The following ANO10 variants were observed in gnomAD, a reference collection of about 807,000 sequenced individuals.
ANO10 encodes anoctamin 10, also known as anoctamin-10.
Under a neutral mutation model 74.7 loss-of-function variants are expected in ANO10, and 77 were observed. The observed-to-expected ratio is 1.03, with a 90% CI of 0.86 to 1.25. ANO10 has a LOEUF of 1.25. ANO10 is among the 50% of genes most tolerant of loss of function. The pLI is 0.00. For missense variants in ANO10, 721 were observed against 778.1 expected, an observed-to-expected ratio of 0.93 and a Z score of 0.87; for synonymous variants, 279 against 284.9, an observed-to-expected ratio of 0.98 and a Z score of 0.21.
intron 12 of ANO10, among the ~76,000 whole-genome samples, chr3:43,409,404 C>T (rs1043997626): frequency 3.3e-5 from 5 of 151,952 alleles, no homozygotes; most frequent in African/African-American, 9.7e-5. Flanking sequence ...AAAAATTAGT[C>T]GGGCATGGCA....
intron 11 of ANO10, among the ~76,000 whole-genome samples, chr3:43,444,952 T>C (rs2093221054): frequency 1.3e-5 from 2 of 151,698 alleles, no homozygotes; most frequent in Non-Finnish European, 2.9e-5. Flanking sequence ...TGAAACCCCG[T>C]CTCTACTAAA....
chr3:43,566,128 G>C lies in ANO10; in HGVS notation c.1219-401C>G, dbSNP rs537177515. On this transcript the variant is annotated intron_variant, in intron 7 of 12. Transcript: ENST00000292246. Reference sequence around the variant, plus strand: ...CACCAGAATACTGCGCTTTTCCGACGGGCTTAAAAAATGGCGCACCACGAG... The same window carrying C: ...CACCAGAATACTGCGCTTTTCCGACCGGCTTAAAAAATGGCGCACCACGAG... Among the ~76,000 whole-genome samples, 36 of 152,242 alleles carry C rather than the reference G, an allele frequency of 2.4e-4. No individual in the cohort carries two copies. The East Asian group carries it at 5.6e-3, about 24-fold the overall frequency.
rs35265220 is a variant in ANO10 at position 43,508,943 on chromosome 3, T to TA, written c.1797+40776dup. 3.5e-3 allele frequency among the ~76,000 whole-genome samples: 363 copies of TA among 104,714 alleles called. 2 individuals carry two copies. The highest frequency in any genetic ancestry group is 0.016 in the South Asian group (45 of 2,822). 68.7% of individuals were successfully genotyped at this position (104,714 alleles called of 152,430 possible). ...ATGTACCCTATAACTTAAAGTATAA[T>TA]AAAAAAAAAAAAAAGAAAAGAAAAA... On this transcript the variant is annotated intron_variant, in intron 11 of 12. Transcript: ENST00000292246.
At chr3:43,615,533 A>C (rs2149527342) in intron 1 of ANO10, among the ~76,000 whole-genome samples, 1 of 152,210 alleles carries the variant, frequency 6.6e-6, no homozygotes, top group Admixed American at 6.5e-5. Flanking sequence ...TTATAATCAG[A>C]AAAAAAGTGG....
intron 1 of ANO10, among the ~76,000 whole-genome samples, chr3:43,674,803 T>A (rs771275134): frequency 6.6e-6 from 1 of 152,094 alleles, no homozygotes; most frequent in Non-Finnish European, 1.5e-5. Context: ...TGAGTCAGAG[T>A]GGCTGGTCTT....
At chr3:43,493,286 G>T (rs1310791858) in intron 11 of ANO10, among the ~76,000 whole-genome samples, 1 of 152,156 alleles carries the variant, frequency 6.6e-6, no homozygotes. Flanking sequence ...GGCATGGGGG[G>T]CTAGGGGAGG....
At chr3:43,657,952 C>A (rs910430483) in intron 1 of ANO10, among the ~76,000 whole-genome samples, 1 of 152,110 alleles carries the variant, frequency 6.6e-6, no homozygotes, top group Non-Finnish European at 1.5e-5. Context: ...GATGTGTATT[C>A]CGTCTGGATG....
At chr3:43,528,806 A>G (rs2078326061) in intron 11 of ANO10, among the ~76,000 whole-genome samples, 1 of 152,106 alleles carries the variant, frequency 6.6e-6, no homozygotes, top group Admixed American at 6.5e-5. Context: ...AAAAAATACA[A>G]AAATCAGCTG....
chr3:43,412,763 C>T (rs546937761), intron 12 of ANO10, among the ~76,000 whole-genome samples: 5 of 152,242 alleles, frequency 3.3e-5, no homozygotes, highest in South Asian at 2.1e-4. Context: ...AAAACAATCT[C>T]GATGTGGCTG....
intron 1 of ANO10, among the ~76,000 whole-genome samples, chr3:43,660,553 A>G (rs1414552447): frequency 2.0e-5 from 3 of 152,170 alleles, no homozygotes; most frequent in Non-Finnish European, 4.4e-5. Context: ...GAGAAAAGAG[A>G]GTGAAAAGAA....
At position 43,531,231 on chromosome 3, in the gene ANO10, T is replaced by A. The variant is rs2078454152; in HGVS notation, c.1797+18489A>T. On this transcript the variant is annotated intron_variant, in intron 11 of 12. Transcript: ENST00000292246. ...ACAGATCTTCAAGAACCAACCTACA[T>A]TTTTAAGCAAATTATTTTACTTTGG... is the stretch of plus-strand genomic sequence containing the variant. Among the ~76,000 whole-genome samples the A allele has an allele frequency of 2.0e-5, 3 of 152,202 alleles. No homozygotes were observed. The South Asian group carries it at 6.2e-4, about 31-fold the overall frequency.
intron 1 of ANO10, among the ~76,000 whole-genome samples, chr3:43,647,877 G>A (rs2083743309): frequency 1.3e-5 from 2 of 152,168 alleles, no homozygotes; most frequent in South Asian, 4.1e-4. Context: ...ATAGGTTTAT[G>A]TAGGGATTAA....
At chr3:43,480,873 T>C (rs1246431236) in intron 11 of ANO10, among the ~76,000 whole-genome samples, 1 of 151,940 alleles carries the variant, frequency 6.6e-6, no homozygotes, top group Non-Finnish European at 1.5e-5. Context: ...AACAAGGCCG[T>C]TTTCAACTCA....
intron 12 of ANO10, among the ~76,000 whole-genome samples, chr3:43,392,163 C>CT (rs573406865): frequency 6.6e-4 from 97 of 146,490 alleles, no homozygotes; most frequent in African/African-American, 2.4e-3. Context: ...TTCTCACTGA[C>CT]TTTAAAAAAA....
chr3:43,377,494 G>A (rs2091841071), intron 12 of ANO10, among the ~76,000 whole-genome samples: 2 of 152,196 alleles, frequency 1.3e-5, no homozygotes, highest in African/African-American at 4.8e-5. Context: ...TGGAGCCAAG[G>A]AGGGCGGCAG....
chr3:43,530,287 G>A (rs1575353410), intron 11 of ANO10, among the ~76,000 whole-genome samples: 1 of 151,848 alleles, frequency 6.6e-6, no homozygotes, highest in East Asian at 1.9e-4. Flanking sequence ...ACAGGAATAC[G>A]CTATTGAATA....
chr3:43,495,044 A>G (rs935359463), intron 11 of ANO10, among the ~76,000 whole-genome samples: 1 of 152,090 alleles, frequency 6.6e-6, no homozygotes, highest in African/African-American at 2.4e-5. Flanking sequence ...CTATAATCAA[A>G]ACAATATGGA....
intron 9 of ANO10, among the ~76,000 whole-genome samples, chr3:43,559,577 GAGA>G (rs1265810062): frequency 7.2e-5 from 11 of 152,096 alleles, no homozygotes; most frequent in Admixed American, 3.3e-4. Flanking sequence ...CAGTTAGGAG[GAGA>G]AGAAGTAGAT....
chr3:43,580,235 G>A, intron 5 of ANO10, 118 bp downstream of exon 5: 1 of 1,361,506 alleles, frequency 7.3e-7, no homozygotes. Flanking sequence ...CATGTAGCTG[G>A]TGATCCCTGC....
Sources: gnomAD v4.1 joint callset for allele counts (sites outside exome capture counted in the v4.1 genomes callset) on GRCh38, gnomAD v4.1.1 for gene constraint, MANE v1.5 for transcripts, NCBI Gene and HGNC (gene_info 2026-07-23, HGNC 2026-07-21) for gene names.